Variants in ERBB4 observed in about 807,000 individuals in gnomAD.
ERBB4 encodes erb-b2 receptor tyrosine kinase 4.
Under a neutral mutation model 158.0 loss-of-function variants are expected in ERBB4, and 42 were observed. That is an observed-to-expected ratio of 0.27 (90% CI 0.21 to 0.34). ERBB4 has a LOEUF of 0.34. Among genes scored for constraint, ERBB4 ranks in the 10% least tolerant of loss-of-function variants. The pLI, the probability that ERBB4 is intolerant of heterozygous loss-of-function variation, is 1.00. For missense variants in ERBB4, 1,333 were observed against 1,624.1 expected (o/e 0.82, Z 3.08); for synonymous variants, 583 against 558.7 (o/e 1.04, Z -0.61).
intron 4 of ERBB4, among the ~76,000 whole-genome samples, chr2:211,756,696 T>C (rs2075294254): frequency 6.6e-6 from 1 of 152,204 alleles, no homozygotes; most frequent in Non-Finnish European, 1.5e-5. Context: ...CAGGAATCCC[T>C]AGTTTTAAAA....
intron 3 of ERBB4, among the ~76,000 whole-genome samples, chr2:211,925,191 C>CT (rs1279116676): frequency 6.6e-6 from 1 of 152,072 alleles, no homozygotes; most frequent in Non-Finnish European, 1.5e-5. Flanking sequence ...GAGAAAAATA[C>CT]TTTTTCTTTA....
At chr2:212,062,517 C>T (rs1462321138) in intron 2 of ERBB4, among the ~76,000 whole-genome samples, 1 of 141,510 alleles carries the variant, frequency 7.1e-6, no homozygotes, top group Non-Finnish European at 1.5e-5. Flanking sequence ...AAGCGATTCT[C>T]CTGCTTCAGC....
intron 1 of ERBB4, among the ~76,000 whole-genome samples, chr2:212,350,090 G>T (rs2089187589): frequency 6.6e-6 from 1 of 152,046 alleles, no homozygotes; most frequent in African/African-American, 2.4e-5. Context: ...AAGAAGTACA[G>T]TTTCTAAATG....
intron 1 of ERBB4, among the ~76,000 whole-genome samples, chr2:212,461,511 C>T (rs1198201763): frequency 1.3e-5 from 2 of 152,124 alleles, no homozygotes. Flanking sequence ...AATGTTTGTA[C>T]CCCCACTCTA....
chr2:212,206,570 TGTCTCC>T (rs1353328936), intron 1 of ERBB4, among the ~76,000 whole-genome samples: 2 of 146,690 alleles, frequency 1.4e-5, no homozygotes, highest in African/African-American at 4.9e-5. Context: ...CACTATGAAC[TGTCTCC>T]GTCTGTTCTG....
chr2:211,900,438 G>A (rs563205127), intron 3 of ERBB4, among the ~76,000 whole-genome samples: 1 of 151,248 alleles, frequency 6.6e-6, no homozygotes, highest in Middle Eastern at 3.4e-3. Flanking sequence ...GAACATAGAT[G>A]AAAGTAAAAC....
chr2:212,200,832 A>C (rs1370699148), intron 1 of ERBB4, among the ~76,000 whole-genome samples: 2 of 152,198 alleles, frequency 1.3e-5, no homozygotes, highest in African/African-American at 4.8e-5. Context: ...CTAGCTAATT[A>C]GTATCACACA....
At chr2:212,254,293 C>T (rs983945569) in intron 1 of ERBB4, among the ~76,000 whole-genome samples, 2 of 152,142 alleles carry the variant, frequency 1.3e-5, no homozygotes, top group African/African-American at 4.8e-5. Context: ...TTCATACCAG[C>T]CCACTCACTA....
intron 2 of ERBB4, among the ~76,000 whole-genome samples, chr2:211,981,956 T>C (rs902494612): frequency 6.6e-6 from 1 of 152,140 alleles, no homozygotes; most frequent in African/African-American, 2.4e-5. Context: ...TTCAGCTGGT[T>C]AGTAAGTTTT....
rs1422254616 is a variant in ERBB4, at chr2:211,381,233, T to C, written c.*2382A>G. On this transcript the variant is annotated 3_prime_UTR_variant, in exon 28 of 28. Transcript: ENST00000342788. ...CTTTTTCAGCTCGCCTCACTTCTTA[T>C]AGCTTAGAAAAAAACCAACTCCAAT... The C allele has an allele frequency of 2.2e-5, 5 of 232,196 alleles. No homozygotes were observed. Among genetic ancestry groups the C allele is most frequent in the Non-Finnish European group, 3.4e-5 (4 of 117,492 alleles). 14.4% of individuals were successfully genotyped at this position (232,196 alleles called of 1,614,324 possible).
At chr2:212,147,847 T>C (rs1443102386) in intron 1 of ERBB4, among the ~76,000 whole-genome samples, 3 of 152,200 alleles carry the variant, frequency 2.0e-5, no homozygotes, top group Non-Finnish European at 2.9e-5. Context: ...ATAAAGTTTC[T>C]TCATATTTGC....
intron 3 of ERBB4, among the ~76,000 whole-genome samples, chr2:211,938,663 A>T (rs1409993383): frequency 6.6e-6 from 1 of 152,038 alleles, no homozygotes; most frequent in East Asian, 1.9e-4. Flanking sequence ...AGAAGAATAG[A>T]CATGCTTGAC....
chr2:212,509,380 CTTAA>C (rs1227390147), intron 1 of ERBB4, among the ~76,000 whole-genome samples: 4 of 152,016 alleles, frequency 2.6e-5, no homozygotes, highest in Non-Finnish European at 5.9e-5. Flanking sequence ...ATACTAAGGT[CTTAA>C]TTAATAGTAA....
At chr2:212,142,728 C>A (rs1267263766) in intron 1 of ERBB4, among the ~76,000 whole-genome samples, 1 of 151,506 alleles carries the variant, frequency 6.6e-6, no homozygotes, top group Non-Finnish European at 1.5e-5. Context: ...TGAGACTCTT[C>A]ATTTAGGCTA....
intron 1 of ERBB4, among the ~76,000 whole-genome samples, chr2:212,451,350 CTTGT>C (rs1193016964): frequency 6.6e-6 from 1 of 152,142 alleles, no homozygotes; most frequent in Non-Finnish European, 1.5e-5. Context: ...TCATAAACTA[CTTGT>C]TAAGACCATT....
chr2:212,222,572 A>G (rs2083328818), intron 1 of ERBB4, among the ~76,000 whole-genome samples: 1 of 151,220 alleles, frequency 6.6e-6, no homozygotes, highest in Non-Finnish European at 1.5e-5. Context: ...ACTCTTCTTA[A>G]TATACTATAT....
intron 20 of ERBB4, among the ~76,000 whole-genome samples, chr2:211,454,313 A>T (rs1006376949): frequency 2.6e-5 from 4 of 152,212 alleles, no homozygotes; most frequent in African/African-American, 9.6e-5. Context: ...ATTAATCCTT[A>T]AGAGCTTATA....
At chr2:212,477,229 C>T (rs1290032308) in intron 1 of ERBB4, among the ~76,000 whole-genome samples, 1 of 152,052 alleles carries the variant, frequency 6.6e-6, no homozygotes, top group Non-Finnish European at 1.5e-5. Flanking sequence ...GAAGGCAAAA[C>T]TCAAAGATTA....
chr2:211,956,804 T>C (rs1204528809), intron 2 of ERBB4, among the ~76,000 whole-genome samples: 4 of 152,088 alleles, frequency 2.6e-5, no homozygotes, highest in Non-Finnish European at 4.4e-5. Context: ...TGGCTAAATA[T>C]GACCACTCCC....
Sources: allele counts gnomAD v4.1 joint callset (sites outside exome capture counted in the v4.1 genomes callset), GRCh38; gene constraint gnomAD v4.1.1; transcripts MANE v1.5; gene names NCBI Gene and HGNC (gene_info 2026-07-23, HGNC 2026-07-21).